The following ADAM32 variants were observed in gnomAD, a reference collection of about 807,000 sequenced individuals.
ADAM32 encodes the protein disintegrin and metalloproteinase domain-containing protein 32.
ADAM32 carries 89 observed loss-of-function variants against 114.9 expected under a neutral mutation model. The ratio of observed to expected loss-of-function variants is 0.77; its 90% CI spans 0.65 to 0.92. The LOEUF is 0.92. Ranked by LOEUF, ADAM32 falls within the 40% of genes least tolerant of loss-of-function variation. ADAM32 has a pLI of 0.00. For synonymous variants in ADAM32, 285 were observed against 307.5 expected (o/e 0.93, Z 0.77); for missense variants, 870 against 932.8 (o/e 0.93, Z 0.88).
chr8:39,192,706 C>G (rs1806687869), intron 11 of ADAM32, among the ~76,000 whole-genome samples: 1 of 152,176 alleles, frequency 6.6e-6, no homozygotes, highest in South Asian at 2.1e-4. Flanking sequence ...TAAGGCACAT[C>G]TGATAGTAAC....
Position 39,257,054 on chromosome 8 carries a change from C to G in ADAM32, c.2006-133C>G, listed in dbSNP as rs75469769. On this transcript the variant is annotated intron_variant, in intron 18 of 24. Transcript: ENST00000379907. ...AGCCCCAAGGATTATGATTACAATT[C>G]TATAATGATTTTTTCCATGTTCCTT... 12,737 of 982,136 alleles carry G rather than the reference C, an allele frequency of 0.013. 1,098 individuals carry two copies. The African/African-American group carries it at 0.19, about 14-fold the overall frequency. The allele number at this position is 982,136 out of a possible 1,614,324, so 60.8% of individuals were successfully genotyped here.
chr8:39,218,472 C>G (rs1431678092), intron 12 of ADAM32, among the ~76,000 whole-genome samples: 2 of 152,160 alleles, frequency 1.3e-5, no homozygotes, highest in East Asian at 1.9e-4. Context: ...CTCACAGCCC[C>G]TGGGCAGGTG....
intron 10 of ADAM32, among the ~76,000 whole-genome samples, chr8:39,181,248 C>A (rs1805869065): frequency 6.6e-6 from 1 of 152,224 alleles, no homozygotes; most frequent in South Asian, 2.1e-4. Flanking sequence ...CCACGAAGAT[C>A]TGCAGCTTCT....
intron 17 of ADAM32, among the ~76,000 whole-genome samples, chr8:39,246,856 A>G (rs1215078073): frequency 1.3e-5 from 2 of 152,166 alleles, no homozygotes; most frequent in Non-Finnish European, 2.9e-5. Context: ...CCATCAGTTC[A>G]TCCTTCTGTC....
In ADAM32 at chr8:39,124,005, CCTT is replaced by C. The variant is rs957936259; in HGVS notation, c.138+5844_138+5846del. ...TACAGGCATGAGCCACTGTGCCTGG[CCTT>C]CTTTTTTTTTTTTTCTTTAACATTT... On this transcript the variant is annotated intron_variant, in intron 2 of 24. Transcript: ENST00000379907. Among the ~76,000 whole-genome samples the C allele has an allele frequency of 7.2e-5, 11 of 151,816 alleles. 1 individual carries two copies. The South Asian group carries it at 1.5e-3, about 20-fold the overall frequency.
chr8:39,112,861 G>C (rs1840223237), intron 1 of ADAM32, among the ~76,000 whole-genome samples: 1 of 152,230 alleles, frequency 6.6e-6, no homozygotes, highest in African/African-American at 2.4e-5. Flanking sequence ...AGTAACAGTA[G>C]AAAGCCATAT....
intron 6 of ADAM32, among the ~76,000 whole-genome samples, chr8:39,153,069 C>T (rs1803937103): frequency 6.6e-6 from 1 of 152,130 alleles, no homozygotes; most frequent in African/African-American, 2.4e-5. Context: ...ATGGAACTAC[C>T]ATACCTCTTC....
intron 13 of ADAM32, 38 bp downstream of exon 13, chr8:39,221,740 A>G: frequency 6.7e-7 from 1 of 1,488,470 alleles, no homozygotes; most frequent in Non-Finnish European, 9.3e-7. Flanking sequence ...CAAATATATA[A>G]CAAATCATGT....
Position 39,213,491 on chromosome 8 carries a change from A to T in ADAM32, c.1233+2167A>T, listed in dbSNP as rs574141165. On this transcript the variant is annotated intron_variant, in intron 12 of 24. Transcript: ENST00000379907. ...TCTTTTCTTTTGTCTATATCTTTTTAAAAAATTTCTAATTTTTGTGGGTAG... is the reference window on the plus strand; with the variant it reads ...TCTTTTCTTTTGTCTATATCTTTTTTAAAAATTTCTAATTTTTGTGGGTAG... Among the ~76,000 whole-genome samples the T allele has an allele frequency of 9.9e-5, 15 of 152,120 alleles. No homozygotes were observed. In the South Asian group the frequency reaches 1.0e-3, roughly 11 times the overall value.
intron 11 of ADAM32, among the ~76,000 whole-genome samples, chr8:39,208,209 A>G (rs1291280707): frequency 6.6e-6 from 1 of 152,092 alleles, no homozygotes; most frequent in Non-Finnish European, 1.5e-5. Flanking sequence ...TATTGCCTTT[A>G]TCCTCATCTT....
intron 7 of ADAM32, among the ~76,000 whole-genome samples, chr8:39,161,549 G>T (rs1490930653): frequency 6.6e-6 from 1 of 152,124 alleles, no homozygotes; most frequent in East Asian, 1.9e-4. Flanking sequence ...CAGTCAACTA[G>T]GTATGTCTTT....
chr8:39,180,561 G>A (rs1805806032), intron 10 of ADAM32, among the ~76,000 whole-genome samples: 1 of 152,262 alleles, frequency 6.6e-6, no homozygotes, highest in African/African-American at 2.4e-5. Context: ...GCCCTGGTGC[G>A]GGATCCACTG....
intron 2 of ADAM32, among the ~76,000 whole-genome samples, chr8:39,133,781 C>T (rs1041394796): frequency 1.3e-5 from 2 of 152,164 alleles, no homozygotes; most frequent in African/African-American, 4.8e-5. Context: ...TATCAGATCC[C>T]CGGATAGTGC....
chr8:39,219,574 G>T (rs1484101527), intron 12 of ADAM32, among the ~76,000 whole-genome samples: 1 of 152,198 alleles, frequency 6.6e-6, no homozygotes, highest in South Asian at 2.1e-4. Flanking sequence ...CATAGACACT[G>T]TGCTCTCCTC....
intron 6 of ADAM32, among the ~76,000 whole-genome samples, chr8:39,160,368 G>A (rs1370750081): frequency 6.6e-6 from 1 of 151,876 alleles, no homozygotes; most frequent in Non-Finnish European, 1.5e-5. Flanking sequence ...GTGAAACTCC[G>A]CCTCTACTAA....
At chr8:39,150,166 A>G (rs1048618596) in intron 5 of ADAM32, among the ~76,000 whole-genome samples, 1 of 152,158 alleles carries the variant, frequency 6.6e-6, no homozygotes, top group African/African-American at 2.4e-5. Flanking sequence ...TTTAGGAGCT[A>G]AGTTTAGGAC....
intron 6 of ADAM32, among the ~76,000 whole-genome samples, chr8:39,156,485 C>T (rs2129445784): frequency 6.6e-6 from 1 of 152,308 alleles, no homozygotes; most frequent in African/African-American, 2.4e-5. Flanking sequence ...TTTACCTTTA[C>T]TGTGTTTTTA....
intron 2 of ADAM32, among the ~76,000 whole-genome samples, chr8:39,122,277 C>T (rs1398298453): frequency 6.6e-6 from 1 of 152,084 alleles, no homozygotes; most frequent in Non-Finnish European, 1.5e-5. Flanking sequence ...GTGTCCCCCG[C>T]CAAATCCATA....
At chr8:39,269,625 G>A (rs140663308) in intron 19 of ADAM32, among the ~76,000 whole-genome samples, 7 of 152,232 alleles carry the variant, frequency 4.6e-5, no homozygotes, top group East Asian at 3.9e-4. Context: ...AGATTAAAGC[G>A]TTTTTAAAGC....
Sources: gnomAD v4.1 joint callset for allele counts (sites outside exome capture counted in the v4.1 genomes callset) on GRCh38, gnomAD v4.1.1 for gene constraint, MANE v1.5 for transcripts, NCBI Gene and HGNC (gene_info 2026-07-23, HGNC 2026-07-21) for gene names.